The following TSC2 variants were observed in gnomAD, a reference collection of about 807,000 sequenced individuals.
The protein encoded by TSC2 is TSC complex subunit 2, also known as tuberin.
A neutral mutation model predicts 202.2 loss-of-function variants in TSC2; 29 were observed. The ratio of observed to expected loss-of-function variants is 0.14; its 90% CI spans 0.11 to 0.20. TSC2 has a LOEUF of 0.20. TSC2 is among the 10% of genes least tolerant of loss of function. TSC2 has a pLI of 1.00. For synonymous variants in TSC2, 1,349 were observed against 1,044.0 expected (o/e 1.29, Z -5.63); for missense variants, 2,429 against 2,420.0 (o/e 1.00, Z -0.08).
At chr16:2,080,749 G>A (rs949847658) in intron 30 of TSC2, 7 of 271,984 alleles carry the variant, frequency 2.6e-5, no homozygotes, top group Non-Finnish European at 5.0e-5. Context: ...CTCCCAAAGT[G>A]CTGGGATTAC....
Position 2,050,456 on chromosome 16 carries a change from T to C in TSC2, c.195T>C (p.Cys65=), listed in dbSNP as rs764177596. ...NNRIRMIGQI[C]EVAKTKKFEE... ...GCATCCGGATGATAGGGCAGATTTG[T>C]GAAGTCGCAAAAACCAAGAAATTTG... is the stretch of plus-strand genomic sequence containing the variant. Residue 65 remains cysteine, a synonymous_variant, in exon 3 of 42, where the codon TGT becomes TGC. Coordinates refer to ENST00000219476, the MANE Select transcript of TSC2 (RefSeq NM_000548.5). 1 of 1,613,960 alleles carries C rather than the reference T, an allele frequency of 6.2e-7. No individual in the cohort carries two copies. The highest frequency in any genetic ancestry group is 8.5e-7 in the Non-Finnish European group (1 of 1,179,954).
At position 2,088,477 on chromosome 16, in the gene TSC2, G is replaced by A. The variant is rs138831802; in HGVS notation, c.5291G>A (p.Ser1764Asn). 3.1e-6 allele frequency: 5 copies of A among 1,612,750 alleles called. No individual in the cohort carries two copies. Among genetic ancestry groups the A allele is most frequent in the Non-Finnish European group, 4.2e-6 (5 of 1,180,020 alleles). The stretch of plus-strand genomic sequence containing the variant: ...GAGGAAGCCGCCTACTCCAACCCCA[G>A]CCTACCTCTGGTGCACCCTCCGTCC... ...ICEEAAYSNP[S>N]LPLVHPPSHS... The change falls in exon 42 of 42, where the codon AGC (serine) becomes AAC (asparagine). Residue 1764 changes from serine (S) to asparagine (N), a missense_variant. Physicochemically the swap from Ser to Asn is conservative, Grantham distance 46. Transcript: ENST00000219476.
At chr16:2,075,949 G>T in intron 23 of TSC2, 57 bp downstream of exon 23, 1 of 1,612,348 alleles carries the variant, frequency 6.2e-7, no homozygotes, top group Non-Finnish European at 8.5e-7. Flanking sequence ...TAGGCCTTGC[G>T]GCAGAAAGCC....
In TSC2 at chr16:2,086,382, A is replaced by T. The variant is rs1057521378; in HGVS notation, c.4849+3A>T. The T allele has an allele frequency of 1.2e-6, 2 of 1,611,990 alleles. No individual in the cohort carries two copies. The highest frequency in any genetic ancestry group is 1.7e-6 in the Non-Finnish European group (2 of 1,179,616). ...CTGGCACGATGACATCATGCAAGGT[A>T]CGGCCTGGCGCCTACCCGCTCCTGC... is the stretch of plus-strand genomic sequence containing the variant. On this transcript the variant is annotated splice_donor_region_variant and intron_variant, in intron 37 of 41. Coordinates refer to ENST00000219476, the MANE Select transcript of TSC2 (RefSeq NM_000548.5).
In TSC2 at chr16:2,070,707, G is replaced by A. The variant is rs954191820; in HGVS notation, c.1839+129G>A. Reference sequence around the variant, plus strand: ...GGCCTCAGCTGACCGTCCCTCCTCTGCACCCACTGTGGCCGCAGCCTCCCC... The same window carrying A: ...GGCCTCAGCTGACCGTCCCTCCTCTACACCCACTGTGGCCGCAGCCTCCCC... On this transcript the variant is annotated intron_variant, in intron 17 of 41. Transcript: ENST00000219476. The A allele has an allele frequency of 1.4e-5, 21 of 1,474,894 alleles. No individual in the cohort carries two copies. In the African/African-American group the frequency reaches 1.8e-4, roughly 13 times the overall value. The allele number at this position is 1,474,894 out of a possible 1,614,324, so 91.4% of individuals were successfully genotyped here. A position where few individuals can be genotyped will look rare whatever the true frequency, so the allele number is the denominator to read the frequency against.
intron 3 of TSC2, among the ~76,000 whole-genome samples, chr16:2,050,991 G>A (rs2085039871): frequency 6.6e-6 from 1 of 152,146 alleles, no homozygotes; most frequent in South Asian, 2.1e-4. Flanking sequence ...GTGGAAATGG[G>A]GAGCAAAGGG....
chr16:2,072,708 T>C, intron 20 of TSC2, 141 bp from the exon 21 acceptor site: 1 of 1,413,250 alleles, frequency 7.1e-7, no homozygotes, highest in Admixed American at 1.9e-5. Context: ...AGGGAGGCCC[T>C]TCCTGGGAGG....
chr16:2,064,508 C>T, intron 15 of TSC2, 81 bp downstream of exon 15: 5 of 1,600,732 alleles, frequency 3.1e-6, no homozygotes, highest in Admixed American at 3.4e-5. Context: ...CCTCTGTCCT[C>T]CTCTTCGAGT....
At chr16:2,053,830 T>C (rs767147796) in intron 4 of TSC2, 2 of 503,164 alleles carry the variant, frequency 4.0e-6, no homozygotes, top group Middle Eastern at 3.0e-4. Context: ...GTGCTGGTCT[T>C]GGCTGACCCT....
rs1429595075 is a variant in TSC2, at chr16:2,089,134, T to A, written c.*524T>A. On this transcript the variant is annotated 3_prime_UTR_variant, in exon 42 of 42. Coordinates refer to ENST00000219476, the MANE Select transcript of TSC2 (RefSeq NM_000548.5). ...GCACCGGCCCAAGGCCAAGCTCGCA[T>A]CCAAGCAGCAGCCGGGCTGCCATAA... is the stretch of plus-strand genomic sequence containing the variant. 2 of 169,386 alleles carry A rather than the reference T, an allele frequency of 1.2e-5. No homozygotes were observed. Among genetic ancestry groups the A allele is most frequent in the Non-Finnish European group, 2.6e-5 (2 of 78,376 alleles). 10.5% of individuals were successfully genotyped at this position (169,386 alleles called of 1,614,324 possible).
rs35118875 is a variant in TSC2, at chr16:2,087,898, G to C, written c.5025G>C (p.Pro1675=). The C allele has an allele frequency of 1.2e-6, 2 of 1,611,800 alleles. No homozygotes were observed. Among genetic ancestry groups the C allele is most frequent in the African/African-American group, 1.3e-5 (1 of 74,558 alleles). The change falls in exon 39 of 42, where the codon CCG becomes CCC. Residue 1675 remains proline (P), a synonymous_variant. Coordinates refer to ENST00000219476, the MANE Select transcript of TSC2 (RefSeq NM_000548.5). Reference sequence around the variant, plus strand: ...ACTTTGTCCACGTGATCGTCACCCCGCTGGACTACGAGTGCAACCTGGTGT... The same window carrying C: ...ACTTTGTCCACGTGATCGTCACCCCCCTGGACTACGAGTGCAACCTGGTGT... The part of the protein sequence containing the change: ...QFNFVHVIVT[P]LDYECNLVSL...
At chr16:2,087,625 C>T (rs769273732) in intron 38 of TSC2, among the ~76,000 whole-genome samples, 11 of 152,120 alleles carry the variant, frequency 7.2e-5, no homozygotes, top group Non-Finnish European at 1.6e-4. Flanking sequence ...GGAGGTGCCC[C>T]AGCAATTAGA....
intron 29 of TSC2, 76 bp from the exon 30 acceptor site, chr16:2,080,089 G>A (rs1001089676): frequency 6.3e-7 from 1 of 1,589,804 alleles, no homozygotes; most frequent in African/African-American, 1.3e-5. Context: ...CCAGGCTCGG[G>A]GGGAGCATTC....
intron 2 of TSC2, among the ~76,000 whole-genome samples, chr16:2,049,037 G>A (rs973421177): frequency 6.6e-6 from 1 of 152,202 alleles, no homozygotes; most frequent in African/African-American, 2.4e-5. Context: ...GTAAGGATAT[G>A]TCCAGGTGTT....
Position 2,088,252 on chromosome 16 carries a change from G to A in TSC2, c.5186G>A (p.Arg1729His), listed in dbSNP as rs760395277. The change falls in exon 41 of 42, where the codon CGC (arginine) becomes CAC (histidine). Residue 1729 changes from arginine to histidine, a missense_variant. By Grantham distance (29) the Arg-to-His change is conservative. Coordinates refer to ENST00000219476, the MANE Select transcript of TSC2 (RefSeq NM_000548.5). Reference protein sequence around the residue: ...ANMASQVHHSRSNPTDIYPSK... With the variant: ...ANMASQVHHSHSNPTDIYPSK... ...ATGGCCTCACAGGTGCATCATAGCC[G>A]CTCCAACCCCACCGATATCTACCCC... 57 of 1,604,608 alleles carry A rather than the reference G, an allele frequency of 3.6e-5. No individual in the cohort carries two copies. Among genetic ancestry groups the A allele is most frequent in the Admixed American group, 1.3e-4 (8 of 59,336 alleles).
chr16:2,048,711 G>T lies in TSC2; in HGVS notation c.96G>T (p.Glu32Asp), dbSNP rs1567380772. 6.2e-7 allele frequency: 1 copy of T among 1,614,114 alleles called. No homozygotes were observed. Among genetic ancestry groups the T allele is most frequent in the Non-Finnish European group, 8.5e-7 (1 of 1,180,038 alleles). Residue 32 changes from glutamate to aspartate, a missense_variant, in exon 2 of 42, where the codon GAG (glutamate) becomes GAT (aspartate). Transcript: ENST00000219476. The part of the protein sequence containing the change: ...GTPRPNPRSA[E>D]GKQTEFIITA... ...CGAGGCCAAATCCCAGGTCTGCAGA[G>T]GGTAAACAGACGGAGTTTATCATCA...
chr16:2,083,677 C>G lies in TSC2; in HGVS notation c.3884-18C>G, dbSNP rs879594483. The stretch of plus-strand genomic sequence containing the variant: ...TGGCCCAGCCCCACATCCAGCAGCC[C>G]CGTCTGTGTCCTCCCAGACTCCGCC... On this transcript the variant is annotated intron_variant, in intron 32 of 41. Coordinates refer to ENST00000219476, the MANE Select transcript of TSC2 (RefSeq NM_000548.5). 2.5e-6 allele frequency: 4 copies of G among 1,569,112 alleles called. No individual in the cohort carries two copies. The highest frequency in any genetic ancestry group is 3.5e-6 in the Non-Finnish European group (4 of 1,157,596).
At chr16:2,087,661 A>G (rs1263915620) in intron 38 of TSC2, among the ~76,000 whole-genome samples, 2 of 152,082 alleles carry the variant, frequency 1.3e-5, no homozygotes, top group Non-Finnish European at 2.9e-5. Flanking sequence ...GCTGCAGCAT[A>G]TGTGGGTGCT....
intron 16 of TSC2, among the ~76,000 whole-genome samples, chr16:2,069,174 G>T (rs1026070751): frequency 1.3e-5 from 2 of 152,216 alleles, no homozygotes; most frequent in Non-Finnish European, 2.9e-5. Context: ...CAGGGCGGCA[G>T]CTGCTGTTGG....
Sources: gnomAD v4.1 joint callset for allele counts (sites outside exome capture counted in the v4.1 genomes callset) on GRCh38, gnomAD v4.1.1 for gene constraint, MANE v1.5 for transcripts, NCBI Gene and HGNC (gene_info 2026-07-23, HGNC 2026-07-21) for gene names.